Variants in ABCG1 observed in about 807,000 individuals in gnomAD.
The protein encoded by ABCG1 is ATP binding cassette subfamily G member 1, also known as ATP-binding cassette sub-family G member 1.
ABCG1 carries 29 observed loss-of-function variants against 69.2 expected under a neutral mutation model. That is an observed-to-expected ratio of 0.42 (90% confidence interval 0.31 to 0.57). The LOEUF (loss-of-function observed/expected upper bound fraction) is 0.57, where lower values mean the gene tolerates loss of function less well. Among genes scored for constraint, ABCG1 ranks in the 20% least tolerant of loss-of-function variants. The pLI is 0.15. For synonymous variants in ABCG1, 370 were observed against 374.8 expected, an observed-to-expected ratio of 0.99 and a Z score of 0.15; for missense variants, 718 against 898.1, an observed-to-expected ratio of 0.80 and a Z score of 2.56.
rs1156247769 is a variant in ABCG1 at position 42,288,497 on chromosome 21, C to T, written c.1224+185C>T. Among the ~76,000 whole-genome samples the T allele has an allele frequency of 6.6e-6, 1 of 152,204 alleles. No individual in the cohort carries two copies. Among genetic ancestry groups the T allele is most frequent in the Admixed American group, 6.5e-5 (1 of 15,284 alleles). Reference sequence around the variant, plus strand: ...CCAAGGCAGGCAGATCATTTGAGGCCAGGAGTTCAGACCAGCCTGGCCAAC... The same window carrying T: ...CCAAGGCAGGCAGATCATTTGAGGCTAGGAGTTCAGACCAGCCTGGCCAAC... On this transcript the variant is annotated intron_variant, in intron 10 of 14. Coordinates refer to ENST00000398449, the MANE Select transcript of ABCG1 (RefSeq NM_016818.3). This position sits in a 1 kb window ranked among gnomAD's most constrained non-coding sequence, Gnocchi z 4.8.
chr21:42,261,721 C>T (rs890000970), intron 2 of ABCG1, among the ~76,000 whole-genome samples: 5 of 152,234 alleles, frequency 3.3e-5, no homozygotes. Context: ...ACGCTGCAAC[C>T]TCGGCCGCGG....
At chr21:42,280,314 A>G (rs2068785406) in intron 5 of ABCG1, among the ~76,000 whole-genome samples, 1 of 152,238 alleles carries the variant, frequency 6.6e-6, no homozygotes, top group Non-Finnish European at 1.5e-5. Flanking sequence ...GGAATGTTCT[A>G]GAAGATCATG....
At chr21:42,277,027 G>A in intron 5 of ABCG1, 82 bp downstream of exon 5, 2 of 1,473,190 alleles carry the variant, frequency 1.4e-6, no homozygotes, top group Non-Finnish European at 1.9e-6. Context: ...GGGGCATTTT[G>A]GCATTGGCTT....
chr21:42,274,468 C>T (rs1453894749), intron 4 of ABCG1, among the ~76,000 whole-genome samples: 2 of 144,890 alleles, frequency 1.4e-5, no homozygotes, highest in East Asian at 4.0e-4. Flanking sequence ...ATCTGGGTTT[C>T]CAGGGCCTTT....
chr21:42,234,837 G>A (rs1344817593), intron 2 of ABCG1, among the ~76,000 whole-genome samples: 3 of 151,192 alleles, frequency 2.0e-5, no homozygotes, highest in Non-Finnish European at 4.4e-5. Flanking sequence ...GCGGGTGCGC[G>A]CTGCCGCGCG....
intron 1 of ABCG1, among the ~76,000 whole-genome samples, chr21:42,225,096 T>C (rs189052864): frequency 6.6e-6 from 1 of 152,330 alleles, no homozygotes; most frequent in Admixed American, 6.5e-5. Context: ...TTTTCAGCAC[T>C]ATTATGAAGA....
chr21:42,295,535 G>T (rs556812549), intron 14 of ABCG1, among the ~76,000 whole-genome samples: 1 of 152,122 alleles, frequency 6.6e-6, no homozygotes, highest in African/African-American at 2.4e-5. Context: ...CAGGGGCAGC[G>T]CCCATCTTCC....
At chr21:42,262,887 C>G (rs1343352751) in intron 2 of ABCG1, among the ~76,000 whole-genome samples, 2 of 152,218 alleles carry the variant, frequency 1.3e-5, no homozygotes, top group Non-Finnish European at 1.5e-5. Context: ...GGCGCGGTGC[C>G]CACCCCAGTG....
chr21:42,207,513 T>C (rs1477050472), intron 2 of ABCG1, among the ~76,000 whole-genome samples: 1 of 152,266 alleles, frequency 6.6e-6, no homozygotes, highest in Non-Finnish European at 1.5e-5. Flanking sequence ...ATTTTTATGA[T>C]GGCTGCTTGT....
intron 2 of ABCG1, chr21:42,256,544 A>G (rs779007170): frequency 6.5e-7 from 1 of 1,547,366 alleles, no homozygotes; most frequent in Admixed American, 2.0e-5. Flanking sequence ...TGTCACAACA[A>G]ATATCCCATC....
chr21:42,231,193 T>C (rs1282828829), intron 2 of ABCG1, among the ~76,000 whole-genome samples: 3 of 142,902 alleles, frequency 2.1e-5, no homozygotes, highest in Non-Finnish European at 3.2e-5. Context: ...CATGGCGTGC[T>C]TTCTCTCCAA....
exon 2 of ABCG1, chr21:42,201,638 A>G (rs1332132584): frequency 6.3e-6 from 10 of 1,593,014 alleles, no homozygotes; most frequent in Non-Finnish European, 8.6e-6. Context: ...CTCAGCAGAC[A>G]TCAGGGATCA....
At chr21:42,241,221 A>G (rs1026029217) in intron 2 of ABCG1, among the ~76,000 whole-genome samples, 1 of 152,226 alleles carries the variant, frequency 6.6e-6, no homozygotes, top group African/African-American at 2.4e-5. Context: ...GCATCCATTT[A>G]TCGTAAAAGC....
At chr21:42,230,769 G>A (rs759959453) in intron 2 of ABCG1, among the ~76,000 whole-genome samples, 22 of 152,312 alleles carry the variant, frequency 1.4e-4, no homozygotes, top group African/African-American at 5.1e-4. Flanking sequence ...CGGTTCCCAC[G>A]CGTAGTTGAC....
intron 2 of ABCG1, among the ~76,000 whole-genome samples, chr21:42,210,019 G>A (rs768605007): frequency 2.8e-5 from 4 of 144,880 alleles, no homozygotes; most frequent in South Asian, 2.1e-4. Flanking sequence ...GGGCTCCAGC[G>A]ATGAAAGGGC....
intron 10 of ABCG1, among the ~76,000 whole-genome samples, chr21:42,289,075 G>A (rs779089770): frequency 9.9e-5 from 15 of 152,186 alleles, no homozygotes; most frequent in Admixed American, 3.3e-4. Context: ...AGATTTGGGC[G>A]GGGACACAGA....
At chr21:42,249,574 G>A (rs185243868) in intron 2 of ABCG1, among the ~76,000 whole-genome samples, 2 of 152,324 alleles carry the variant, frequency 1.3e-5, no homozygotes, top group African/African-American at 4.8e-5. Flanking sequence ...GTTAATGTAT[G>A]CGAAAGCTTA....
At chr21:42,236,337 T>C (rs953990558) in intron 2 of ABCG1, among the ~76,000 whole-genome samples, 6 of 152,232 alleles carry the variant, frequency 3.9e-5, no homozygotes, top group Non-Finnish European at 8.8e-5. Context: ...TTTGTGTGTG[T>C]GAACCCAAAA....
intron 1 of ABCG1, among the ~76,000 whole-genome samples, chr21:42,223,552 C>A (rs1334551774): frequency 1.3e-5 from 2 of 152,108 alleles, no homozygotes; most frequent in Admixed American, 1.3e-4. Flanking sequence ...CACAGCTGAG[C>A]TTCTCAACAA....
Sources: gnomAD v4.1 joint callset for allele counts (sites outside exome capture counted in the v4.1 genomes callset) on GRCh38, gnomAD v4.1.1 for gene constraint, Gnocchi (gnomAD v3.1) non-coding constraint, MANE v1.5 for transcripts, NCBI Gene and HGNC (gene_info 2026-07-23, HGNC 2026-07-21) for gene names.